The following BCAR3 variants were observed in gnomAD, a reference collection of about 807,000 sequenced individuals.
BCAR3 encodes the protein breast cancer anti-estrogen resistance protein 3.
In BCAR3, 37 loss-of-function variants were observed where a neutral mutation model predicts 80.1. The observed-to-expected ratio is 0.46, with a 90% CI of 0.36 to 0.61. The LOEUF is 0.61. Ranked by LOEUF, BCAR3 falls within the 20% of genes least tolerant of loss-of-function variation. BCAR3 has a pLI of 0.00. For synonymous variants in BCAR3, 389 were observed against 418.9 expected, an observed-to-expected ratio of 0.93 and a Z score of 0.87; for missense variants, 978 against 1,068.2, an observed-to-expected ratio of 0.92 and a Z score of 1.18.
rs190069670 is a variant in BCAR3, at chr1:93,589,248, C to T, written c.658G>A (p.Glu220Lys). 88 of 1,614,116 alleles carry T rather than the reference C, an allele frequency of 5.5e-5. No individual in the cohort carries two copies. Among genetic ancestry groups the T allele is most frequent in the Middle Eastern group, 4.9e-4 (3 of 6,062 alleles). ...EAYSRVQYQF[E>K]MESFDSIPGL... is the part of the protein sequence containing the mutation. ...GGGATGGAGTCGAAGCTCTCCATCT[C>T]GAACTGGTACTGCACGCGGCTGTAG... Residue 220 changes from glutamate to lysine, a missense_variant, in exon 5 of 12, where the codon GAG (glutamate) becomes AAG (lysine). Transcript: ENST00000260502.
chr1:93,784,999 C>T (rs1327346760), intron 2 of BCAR3, among the ~76,000 whole-genome samples: 1 of 152,200 alleles, frequency 6.6e-6, no homozygotes, highest in African/African-American at 2.4e-5. Context: ...TTCTGCTCCA[C>T]CTTGGGGATC....
At chr1:93,575,013 A>G (rs374758610) in intron 8 of BCAR3, among the ~76,000 whole-genome samples, 1 of 152,196 alleles carries the variant, frequency 6.6e-6, no homozygotes, top group African/African-American at 2.4e-5. Context: ...TGTACAGCCG[A>G]GGAAACTCTA....
rs4847188 is a variant in BCAR3 at position 93,842,436 on chromosome 1, G to A, written c.-63+3131C>T. Reference sequence around the variant, plus strand: ...CCAAGTGCTAGGATTACAGCCATGAGCTACCTACCACGCCTGGACTATCAT... The same window carrying A: ...CCAAGTGCTAGGATTACAGCCATGAACTACCTACCACGCCTGGACTATCAT... On this transcript the variant is annotated intron_variant, in intron 2 of 13. Coordinates refer to the BCAR3 transcript ENST00000370244. 8.7e-3 allele frequency among the ~76,000 whole-genome samples: 1,328 copies of A among 152,296 alleles called. 47 individuals carry two copies. The highest frequency in any genetic ancestry group is 0.058 in the East Asian group (298 of 5,178).
chr1:93,629,705 G>C (rs1675552653), intron 3 of BCAR3, among the ~76,000 whole-genome samples: 1 of 152,190 alleles, frequency 6.6e-6, no homozygotes, highest in South Asian at 2.1e-4. Flanking sequence ...AGCAATCCAG[G>C]CCTCTCGTTT....
intron 11 of BCAR3, among the ~76,000 whole-genome samples, chr1:93,564,364 T>C (rs1224144788): frequency 6.7e-6 from 1 of 148,772 alleles, no homozygotes; most frequent in Non-Finnish European, 1.5e-5. Context: ...GTGCAACCTC[T>C]GCCTCCTGGG....
intron 4 of BCAR3, among the ~76,000 whole-genome samples, chr1:93,590,828 G>A (rs557522968): frequency 5.0e-4 from 76 of 152,304 alleles, no homozygotes; most frequent in African/African-American, 1.5e-3. Flanking sequence ...CCAGTAAATT[G>A]TAGTGCATGC....
intron 3 of BCAR3, among the ~76,000 whole-genome samples, chr1:93,619,106 T>A (rs1457116032): frequency 6.7e-6 from 1 of 150,086 alleles, no homozygotes; most frequent in African/African-American, 2.5e-5. Context: ...GCCAATTTTT[T>A]TTTTTTTTTT....
chr1:93,599,789 TTTCCCCAGTCACTGGCATC>T, intron 3 of BCAR3: 1 of 152,344 alleles, frequency 6.6e-6, no homozygotes, highest in Non-Finnish European at 1.5e-5. Context: ...TCTTCGCCCT[TTTCCCCAGTCACTGGCATC>T]TCTTCTGTCC....
intron 2 of BCAR3, among the ~76,000 whole-genome samples, chr1:93,820,734 G>T (rs1481666032): frequency 6.6e-6 from 1 of 152,110 alleles, no homozygotes; most frequent in Non-Finnish European, 1.5e-5. Flanking sequence ...TAAATCAGGG[G>T]GCATTGGTGA....
intron 2 of BCAR3, among the ~76,000 whole-genome samples, chr1:93,809,852 A>G (rs1653772002): frequency 6.7e-6 from 1 of 148,544 alleles, no homozygotes; most frequent in African/African-American, 2.6e-5. Flanking sequence ...CATTTTTAAG[A>G]TAAGCAGTTT....
intron 1 of BCAR3, among the ~76,000 whole-genome samples, chr1:93,675,763 G>C (rs1261762324): frequency 6.6e-6 from 1 of 152,096 alleles, no homozygotes; most frequent in East Asian, 1.9e-4. Context: ...GCTGTGTGCA[G>C]CAAGTAGCCC....
At chr1:93,818,851 GC>G (rs1032829356) in intron 2 of BCAR3, among the ~76,000 whole-genome samples, 1 of 152,172 alleles carries the variant, frequency 6.6e-6, no homozygotes, top group Non-Finnish European at 1.5e-5. Context: ...CTGGAATACA[GC>G]CCCATGGGTC....
chr1:93,813,825 T>G (rs1653928759), intron 2 of BCAR3, among the ~76,000 whole-genome samples: 1 of 152,236 alleles, frequency 6.6e-6, no homozygotes, highest in Admixed American at 6.5e-5. Context: ...ATTGCTTTTT[T>G]CTCAGCCCAG....
chr1:93,681,886 C>T, upstream of BCAR3: 1 of 152,378 alleles, frequency 6.6e-6, no homozygotes, highest in Non-Finnish European at 1.5e-5. Flanking sequence ...TGCGGCTCCG[C>T]GGCCCCACCC....
chr1:93,682,192 AG>A (rs1323626385), upstream of BCAR3, among the ~76,000 whole-genome samples: 1 of 152,232 alleles, frequency 6.6e-6, no homozygotes, highest in African/African-American at 2.4e-5. Flanking sequence ...ACAAAGCCCC[AG>A]GTAACCACAA....
rs182060990 is a variant in BCAR3 at position 93,775,609 on chromosome 1, G to C, written c.-62-69467C>G. 3.3e-4 allele frequency among the ~76,000 whole-genome samples: 51 copies of C among 152,252 alleles called. 1 individual carries two copies. The highest frequency in any genetic ancestry group is 1.8e-3 in the Admixed American group (28 of 15,290). On this transcript the variant is annotated intron_variant, in intron 2 of 13. Transcript: ENST00000370244. The stretch of plus-strand genomic sequence containing the variant: ...AGGTGCATGGCAGCATTATCTCTAA[G>C]AGGAAATCACTGGAAAAAAAGTGCC...
chr1:93,741,820 C>T (rs996570805), intron 2 of BCAR3, among the ~76,000 whole-genome samples: 33 of 152,210 alleles, frequency 2.2e-4, no homozygotes, highest in Non-Finnish European at 1.5e-5. Flanking sequence ...TTCCACCCGC[C>T]TTGGCCTCCC....
At chr1:93,634,962 A>G (rs1018863484) in intron 3 of BCAR3, among the ~76,000 whole-genome samples, 1 of 152,228 alleles carries the variant, frequency 6.6e-6, no homozygotes, top group African/African-American at 2.4e-5. Flanking sequence ...GGCTGGAAGC[A>G]GTGGCTCACA....
At chr1:93,746,373 C>T (rs918243377) in intron 2 of BCAR3, among the ~76,000 whole-genome samples, 26 of 152,310 alleles carry the variant, frequency 1.7e-4, no homozygotes, top group African/African-American at 6.0e-4. Flanking sequence ...TTTCAGGATG[C>T]CTCTTGAAGT....
Sources: gnomAD v4.1 joint callset for allele counts (sites outside exome capture counted in the v4.1 genomes callset) on GRCh38, gnomAD v4.1.1 for gene constraint, MANE v1.5 for transcripts, NCBI Gene and HGNC (gene_info 2026-07-23, HGNC 2026-07-21) for gene names.